The following PLD5 variants were observed in gnomAD, a reference collection of about 807,000 sequenced individuals.
PLD5 encodes inactive phospholipase D5.
Under a neutral mutation model 61.1 loss-of-function variants are expected in PLD5, and 36 were observed. The ratio of observed to expected loss-of-function variants is 0.59; its 90% CI spans 0.45 to 0.78. The LOEUF (loss-of-function observed/expected upper bound fraction) is 0.78, where lower values mean the gene tolerates loss of function less well. PLD5 is among the 30% of genes least tolerant of loss of function. The probability of loss-of-function intolerance (pLI) is 0.00; values close to 1 mark genes in which losing one functional copy is unlikely to be tolerated. For missense variants in PLD5, 515 were observed against 644.4 expected (o/e 0.80, Z 2.17); for synonymous variants, 243 against 242.8 (o/e 1.00, Z -0.01).
intron 4 of PLD5, among the ~76,000 whole-genome samples, chr1:242,247,042 G>A (rs1672420615): frequency 6.6e-6 from 1 of 150,902 alleles, no homozygotes; most frequent in Admixed American, 6.6e-5. Flanking sequence ...GGAGTGCAGT[G>A]GCGCGATCTC....
At chr1:242,160,840 G>A (rs542478519) in intron 5 of PLD5, among the ~76,000 whole-genome samples, 2 of 151,238 alleles carry the variant, frequency 1.3e-5, no homozygotes, top group African/African-American at 2.4e-5. Context: ...AGCTTTGATC[G>A]AGCCACTGCA....
At chr1:242,486,938 AT>A (rs1346394700) in intron 1 of PLD5, among the ~76,000 whole-genome samples, 3 of 152,138 alleles carry the variant, frequency 2.0e-5, no homozygotes, top group Admixed American at 6.6e-5. Flanking sequence ...GGAAACCATC[AT>A]TCTCAGCAAA....
In PLD5 at chr1:242,494,434, G is replaced by A. The variant is rs1572242313; in HGVS notation, c.189+29654C>T. ...GGTTTATCCCAGTTTCTGCAGACAT[G>A]GTTTTCCCATCACTTCTGCCATCCC... On this transcript the variant is annotated intron_variant, in intron 1 of 9. Transcript: ENST00000536534. Among the ~76,000 whole-genome samples the A allele has an allele frequency of 2.0e-5, 3 of 152,188 alleles. No individual in the cohort carries two copies. The East Asian group carries it at 5.8e-4, about 30-fold the overall frequency.
chr1:242,517,449 C>T (rs1386294762), intron 1 of PLD5, among the ~76,000 whole-genome samples: 1 of 152,166 alleles, frequency 6.6e-6, no homozygotes, highest in African/African-American at 2.4e-5. Flanking sequence ...ATTGTATGGT[C>T]TTACTCTTTT....
At chr1:242,212,409 C>T (rs316851) in intron 5 of PLD5, among the ~76,000 whole-genome samples, 4,200 of 152,292 alleles carry the variant, frequency 0.028, 195 homozygotes, top group African/African-American at 0.096. Flanking sequence ...CAGAGCTGCG[C>T]GACCATGCGA....
chr1:242,318,678 G>A (rs2149183530), intron 2 of PLD5, among the ~76,000 whole-genome samples: 1 of 151,162 alleles, frequency 6.6e-6, no homozygotes, highest in Middle Eastern at 3.4e-3. Flanking sequence ...TTTTTAATAT[G>A]GGGTCTCTCA....
chr1:242,371,088 A>C (rs1197552176), intron 1 of PLD5, among the ~76,000 whole-genome samples: 1 of 152,196 alleles, frequency 6.6e-6, no homozygotes, highest in Non-Finnish European at 1.5e-5. Context: ...CTTTATTTTG[A>C]GCTCATTAAA....
the PLD5 span, among the ~76,000 whole-genome samples, chr1:242,529,781 T>TCCTC: frequency 0.01 from 658 of 65,322 alleles, 7 homozygotes; most frequent in African/African-American, 0.028. Flanking sequence ...ACTGGGATCT[T>TCCTC]CCTTCCTTCC....
At chr1:242,291,713 G>A (rs1254013028) in intron 2 of PLD5, among the ~76,000 whole-genome samples, 2 of 152,150 alleles carry the variant, frequency 1.3e-5, no homozygotes, top group African/African-American at 4.8e-5. Flanking sequence ...GGCTGAGGCA[G>A]GAGAATGGCA....
At chr1:242,247,843 C>T (rs778965411) in intron 4 of PLD5, among the ~76,000 whole-genome samples, 4 of 152,168 alleles carry the variant, frequency 2.6e-5, no homozygotes, top group Non-Finnish European at 1.5e-5. Context: ...CTGCAGTGTA[C>T]GTCTTTGTAC....
intron 1 of PLD5, among the ~76,000 whole-genome samples, chr1:242,376,312 C>T (rs925221057): frequency 6.6e-6 from 1 of 152,148 alleles, no homozygotes; most frequent in Non-Finnish European, 1.5e-5. Flanking sequence ...CTGCTTTAAA[C>T]ACCCTTCGGC....
At chr1:242,387,875 C>A (rs1306005268) in intron 1 of PLD5, among the ~76,000 whole-genome samples, 1 of 151,990 alleles carries the variant, frequency 6.6e-6, no homozygotes, top group Non-Finnish European at 1.5e-5. Flanking sequence ...AGCATTAAGA[C>A]TGTAGTTGAC....
chr1:242,347,134 T>A (rs1488684739), intron 2 of PLD5, among the ~76,000 whole-genome samples: 1 of 152,170 alleles, frequency 6.6e-6, no homozygotes, highest in African/African-American at 2.4e-5. Context: ...GTACCATGGG[T>A]TAAACATAAA....
intron 4 of PLD5, among the ~76,000 whole-genome samples, chr1:242,222,265 G>A (rs1427625896): frequency 2.0e-5 from 3 of 152,032 alleles, no homozygotes; most frequent in Non-Finnish European, 4.4e-5. Context: ...GCAGTTCTGG[G>A]GATTACATCT....
chr1:242,442,669 T>G (rs1666331181), intron 1 of PLD5, among the ~76,000 whole-genome samples: 1 of 152,188 alleles, frequency 6.6e-6, no homozygotes, highest in Non-Finnish European at 1.5e-5. Flanking sequence ...GTTTTTATGT[T>G]ATCTTAAAGT....
intron 1 of PLD5, among the ~76,000 whole-genome samples, chr1:242,398,812 G>C (rs1226396184): frequency 6.6e-6 from 1 of 152,136 alleles, no homozygotes; most frequent in Non-Finnish European, 1.5e-5. Context: ...CGTCAGACTT[G>C]AGAGATCTCC....
At chr1:242,259,299 A>G (rs1255815038) in intron 4 of PLD5, among the ~76,000 whole-genome samples, 1 of 117,616 alleles carries the variant, frequency 8.5e-6, no homozygotes, top group Admixed American at 8.4e-5. Flanking sequence ...ATGGAGCAAG[A>G]CATCACCCCT....
At chr1:242,462,585 C>A (rs1342948458) in intron 1 of PLD5, among the ~76,000 whole-genome samples, 1 of 148,950 alleles carries the variant, frequency 6.7e-6, no homozygotes, top group Non-Finnish European at 1.5e-5. Context: ...CATGGACCCC[C>A]CTGTATCTAA....
intron 5 of PLD5, among the ~76,000 whole-genome samples, chr1:242,142,195 G>T (rs1558265816): frequency 2.0e-5 from 3 of 152,158 alleles, no homozygotes; most frequent in Admixed American, 2.0e-4. Flanking sequence ...TTTTTCTTTT[G>T]TGGGGAGCAT....
Sources: allele counts gnomAD v4.1 joint callset (sites outside exome capture counted in the v4.1 genomes callset), GRCh38; gene constraint gnomAD v4.1.1; transcripts MANE v1.5; gene names NCBI Gene and HGNC (gene_info 2026-07-23, HGNC 2026-07-21).